The following DTNA variants were observed in gnomAD, a reference collection of about 807,000 sequenced individuals.
DTNA encodes the protein dystrophin-related protein 3.
Under a neutral mutation model 100.7 loss-of-function variants are expected in DTNA, and 43 were observed. The ratio of observed to expected loss-of-function variants is 0.43; its 90% CI spans 0.33 to 0.55. DTNA has a LOEUF of 0.55. DTNA is among the 20% of genes least tolerant of loss of function. The pLI is 0.04. For missense variants in DTNA, 798 were observed against 953.9 expected, an observed-to-expected ratio of 0.84 and a Z score of 2.15; for synonymous variants, 349 against 347.9, an observed-to-expected ratio of 1.00 and a Z score of -0.04.
At chr18:34,765,099 C>T (rs565556974) in intron 2 of DTNA, among the ~76,000 whole-genome samples, 1 of 152,194 alleles carries the variant, frequency 6.6e-6, no homozygotes, top group Admixed American at 6.5e-5. Context: ...TGTCGTTAGG[C>T]AAGTAAGCTG....
At chr18:34,755,873 CTA>C (rs1328291967) in intron 1 of DTNA, 101 bp from the exon 2 acceptor site, 10 of 986,024 alleles carry the variant, frequency 1.0e-5, no homozygotes, top group Non-Finnish European at 1.6e-5. Flanking sequence ...AATAGGTTTT[CTA>C]TGTGTTTGTG....
chr18:34,769,244 A>C (rs563533633), intron 3 of DTNA, among the ~76,000 whole-genome samples: 1 of 152,328 alleles, frequency 6.6e-6, no homozygotes, highest in East Asian at 1.9e-4. Context: ...TGATATTCAG[A>C]GGTATTTGTA....
At chr18:34,794,338 T>C (rs2094877403) in intron 4 of DTNA, 88 bp downstream of exon 4, 2 of 1,436,742 alleles carry the variant, frequency 1.4e-6, no homozygotes, top group Admixed American at 3.5e-5. Flanking sequence ...CAATTTTATA[T>C]CTCTCTCTTT....
At chr18:34,594,108 ATC>A (rs1287922758) in intron 1 of DTNA, among the ~76,000 whole-genome samples, 1 of 151,946 alleles carries the variant, frequency 6.6e-6, no homozygotes, top group East Asian at 1.9e-4. Flanking sequence ...TTTTAGTGTT[ATC>A]TCATTAATTC....
chr18:34,703,540 C>G (rs1462665001), intron 1 of DTNA, among the ~76,000 whole-genome samples: 1 of 152,074 alleles, frequency 6.6e-6, no homozygotes, highest in Non-Finnish European at 1.5e-5. Context: ...TCACATGTCA[C>G]TATGAGGCTC....
intron 1 of DTNA, among the ~76,000 whole-genome samples, chr18:34,585,113 G>T (rs144187830): frequency 5.1e-4 from 77 of 152,016 alleles, no homozygotes; most frequent in African/African-American, 1.4e-3. Context: ...CTGCATGCTC[G>T]CCCACCCACC....
At chr18:34,833,491 A>T (rs1036207306) in intron 11 of DTNA, among the ~76,000 whole-genome samples, 1 of 151,978 alleles carries the variant, frequency 6.6e-6, no homozygotes, top group African/African-American at 2.4e-5. Context: ...CAAAGGTCTA[A>T]AAAGGAAGTG....
chr18:34,868,555 CA>C, intron 17 of DTNA: 4 of 985,266 alleles, frequency 4.1e-6, no homozygotes, highest in Non-Finnish European at 4.8e-6. Flanking sequence ...TTTGTAAAAC[CA>C]AACTTAGAAC....
At chr18:34,800,573 A>C (rs958925222) in intron 4 of DTNA, among the ~76,000 whole-genome samples, 1 of 152,244 alleles carries the variant, frequency 6.6e-6, no homozygotes, top group African/African-American at 2.4e-5. Context: ...GAGAAAGAGC[A>C]GTTTGAGTGC....
At chr18:34,614,109 G>T (rs1292222373) in intron 1 of DTNA, among the ~76,000 whole-genome samples, 1 of 152,142 alleles carries the variant, frequency 6.6e-6, no homozygotes, top group East Asian at 1.9e-4. Flanking sequence ...AATTTACTCT[G>T]CCTGTTCTCT....
At chr18:34,825,301 T>C in intron 9 of DTNA, 1 of 1,613,218 alleles carries the variant, frequency 6.2e-7, no homozygotes. Flanking sequence ...ATTTCCAGTC[T>C]ACTTACAAAG....
intron 1 of DTNA, among the ~76,000 whole-genome samples, chr18:34,545,769 G>A (rs1444551634): frequency 1.3e-5 from 2 of 151,892 alleles, no homozygotes; most frequent in East Asian, 3.9e-4. Flanking sequence ...ATGGCAATAG[G>A]TAGAATTTAA....
chr18:34,745,410 TG>T (rs111264198), intron 1 of DTNA, among the ~76,000 whole-genome samples: 5,086 of 152,178 alleles, frequency 0.033, 292 homozygotes, highest in African/African-American at 0.12. Context: ...ACATTAGAAT[TG>T]GGGGAGGATC....
intron 1 of DTNA, among the ~76,000 whole-genome samples, chr18:34,734,346 C>CA (rs769191187): frequency 2.3e-4 from 34 of 151,052 alleles, no homozygotes; most frequent in Non-Finnish European, 2.8e-4. Context: ...TTTCTTCTGG[C>CA]AAAAAAAAGG....
chr18:34,684,992 G>A (rs377556104), intron 1 of DTNA, among the ~76,000 whole-genome samples: 2 of 152,150 alleles, frequency 1.3e-5, no homozygotes, highest in East Asian at 1.9e-4. Context: ...TTTTGATGGG[G>A]TTGCTTTTTT....
At chr18:34,651,674 G>A (rs1015700343) in intron 1 of DTNA, among the ~76,000 whole-genome samples, 13 of 152,284 alleles carry the variant, frequency 8.5e-5, no homozygotes, top group South Asian at 4.1e-4. Flanking sequence ...ATTTCATTAC[G>A]ATGCAATGAG....
chr18:34,726,031 A>G (rs2076312350), intron 1 of DTNA, among the ~76,000 whole-genome samples: 1 of 152,146 alleles, frequency 6.6e-6, no homozygotes, highest in South Asian at 2.1e-4. Flanking sequence ...TCTCACTCAT[A>G]AGTGGTAGTT....
chr18:34,868,846 A>G lies in DTNA; in HGVS notation c.1743+4784A>G, dbSNP rs1001976472. ...ATCCTACCCTCTTTCTTCTTTGTGTATCTTTAAGATTTATTGAAGGAACCA... is the reference window on the plus strand; with the variant it reads ...ATCCTACCCTCTTTCTTCTTTGTGTGTCTTTAAGATTTATTGAAGGAACCA... On this transcript the variant is annotated intron_variant, in intron 17 of 22. Coordinates refer to ENST00000444659, the MANE Select transcript of DTNA (RefSeq NM_001386795.1). 20 of 866,030 alleles carry G rather than the reference A, an allele frequency of 2.3e-5. No individual in the cohort carries two copies. In the African/African-American group the frequency reaches 3.5e-4, roughly 15 times the overall value. 53.6% of individuals were successfully genotyped at this position (866,030 alleles called of 1,614,324 possible).
intron 1 of DTNA, among the ~76,000 whole-genome samples, chr18:34,674,806 C>T (rs919118948): frequency 2.0e-5 from 3 of 152,108 alleles, no homozygotes; most frequent in African/African-American, 7.2e-5. Context: ...TAAGTCCCTG[C>T]CCAGAGTTGC....
Sources: allele counts gnomAD v4.1 joint callset (sites outside exome capture counted in the v4.1 genomes callset), GRCh38; gene constraint gnomAD v4.1.1; transcripts MANE v1.5; gene names NCBI Gene and HGNC (gene_info 2026-07-23, HGNC 2026-07-21).